KIAA0753: variants seen among roughly 807,000 people sequenced by gnomAD.
KIAA0753 encodes protein moonraker.
In KIAA0753, 114 loss-of-function variants were observed where a neutral mutation model predicts 116.9. That is an observed-to-expected ratio of 0.98 (90% confidence interval 0.84 to 1.14). The LOEUF (loss-of-function observed/expected upper bound fraction) is 1.14, where lower values mean the gene tolerates loss of function less well. Among genes scored for constraint, KIAA0753 ranks in the 50% most tolerant of loss-of-function variants. The pLI is 0.00. For synonymous variants in KIAA0753, 405 were observed against 413.1 expected (o/e 0.98, Z 0.24); for missense variants, 1,156 against 1,172.4 (o/e 0.99, Z 0.20).
At chr17:6,599,165 A>G in intron 14 of KIAA0753, 72 bp downstream of exon 14, 1 of 1,059,986 alleles carries the variant, frequency 9.4e-7, no homozygotes. Context: ...AGTAATCTGT[A>G]TTTCATTTTC....
intron 14 of KIAA0753, among the ~76,000 whole-genome samples, chr17:6,597,877 C>T (rs1398057356): frequency 6.6e-6 from 1 of 152,240 alleles, no homozygotes; most frequent in Non-Finnish European, 1.5e-5. Flanking sequence ...TTTTCTTCTT[C>T]ACCATGCCAA....
At chr17:6,594,117 C>T (rs1394972563) in intron 16 of KIAA0753, among the ~76,000 whole-genome samples, 1 of 152,156 alleles carries the variant, frequency 6.6e-6, no homozygotes, top group Admixed American at 6.5e-5. Flanking sequence ...TTAAGATATA[C>T]ACACAGATTA....
At chr17:6,589,329 C>G (rs1214877299) in intron 18 of KIAA0753, among the ~76,000 whole-genome samples, 1 of 152,194 alleles carries the variant, frequency 6.6e-6, no homozygotes, top group East Asian at 1.9e-4. Context: ...AGGAAGAGGG[C>G]CCTCGACAGA....
chr17:6,626,066 T>C (rs532665511), intron 3 of KIAA0753, among the ~76,000 whole-genome samples: 11 of 152,356 alleles, frequency 7.2e-5, no homozygotes, highest in Middle Eastern at 3.4e-3. Context: ...CTCAAAATTA[T>C]TTGAGTGTCT....
At chr17:6,606,604 GGGTA>G (rs1238168802) in intron 12 of KIAA0753, among the ~76,000 whole-genome samples, 2 of 152,164 alleles carry the variant, frequency 1.3e-5, no homozygotes, top group Non-Finnish European at 2.9e-5. Context: ...GTACCTTTGA[GGGTA>G]GTCCAAACAA....
chr17:6,584,662 T>C (rs775179601), intron 18 of KIAA0753, among the ~76,000 whole-genome samples: 10 of 152,216 alleles, frequency 6.6e-5, no homozygotes, highest in Non-Finnish European at 8.8e-5. Context: ...TTCTTTTCTA[T>C]GCTCACTGAA....
At chr17:6,624,356 T>C (rs1047216106) in intron 4 of KIAA0753, among the ~76,000 whole-genome samples, 22 of 152,132 alleles carry the variant, frequency 1.4e-4, no homozygotes, top group African/African-American at 4.8e-4. Context: ...CCCTTTCCTC[T>C]AAGACTGGGG....
intron 7 of KIAA0753, among the ~76,000 whole-genome samples, chr17:6,619,840 C>G (rs865892759): frequency 6.6e-6 from 1 of 152,140 alleles, no homozygotes; most frequent in African/African-American, 2.4e-5. Flanking sequence ...AAAGAGTTAA[C>G]TAACAAAGTC....
intron 18 of KIAA0753, among the ~76,000 whole-genome samples, chr17:6,586,460 C>G (rs1968583079): frequency 6.6e-6 from 1 of 152,218 alleles, no homozygotes; most frequent in Admixed American, 6.5e-5. Flanking sequence ...TTAGCTTTCT[C>G]TAGCCTGCTA....
In KIAA0753 at chr17:6,578,687, A is replaced by G. The variant is rs1176135535; in HGVS notation, c.*1060T>C. On this transcript the variant is annotated 3_prime_UTR_variant, in exon 19 of 19. Transcript: ENST00000361413. ...GGCATTCTTTCTGCATGTTTCCTTC[A>G]CTGAGCCTCAGGCTACGAATTGAGA... The G allele has an allele frequency of 6.6e-6, 1 of 152,252 alleles. No individual in the cohort carries two copies. The highest frequency in any genetic ancestry group is 1.5e-5 in the Non-Finnish European group (1 of 68,042). The allele number at this position is 152,252 out of a possible 1,614,324, so 9.4% of individuals were successfully genotyped here.
intron 18 of KIAA0753, among the ~76,000 whole-genome samples, chr17:6,589,166 T>C (rs1033123796): frequency 2.6e-5 from 4 of 152,296 alleles, no homozygotes; most frequent in Admixed American, 2.6e-4. Context: ...GTAGTATCTG[T>C]GGTGGGGCCT....
Position 6,628,614 on chromosome 17 carries a change from T to C in KIAA0753, c.221A>G (p.Asp74Gly). The C allele has an allele frequency of 6.2e-7, 1 of 1,614,212 alleles. No individual in the cohort carries two copies. The highest frequency in any genetic ancestry group is 1.1e-5 in the South Asian group (1 of 91,086). ...GTCAGGACCAACTCTACAATCTGCA[T>C]CTTTACAATGGTATGATTCATTGTA... ...HSYNESYHCK[D>G]ADCRVGPDLG... Residue 74 changes from aspartate to glycine, a missense_variant, in exon 3 of 19, where the codon GAT becomes GGT. Asp to Gly is a moderately conservative substitution (Grantham distance 94, BLOSUM62 -1). Coordinates refer to ENST00000361413, the MANE Select transcript of KIAA0753 (RefSeq NM_014804.3).
intron 16 of KIAA0753, among the ~76,000 whole-genome samples, chr17:6,590,990 A>AAAGAAGAAGG (rs1172029852): frequency 5.3e-5 from 6 of 114,236 alleles, no homozygotes; most frequent in Non-Finnish European, 9.6e-5. Context: ...GAAGAAGAAG[A>AAAGAAGAAGG]AAGAAGAAGG....
intron 3 of KIAA0753, among the ~76,000 whole-genome samples, chr17:6,625,796 G>A (rs757543710): frequency 1.1e-3 from 160 of 152,110 alleles, no homozygotes; most frequent in Admixed American, 1.2e-3. Flanking sequence ...TCCACCTCCC[G>A]GGTCAAGTGA....
chr17:6,612,019 T>C lies in KIAA0753; in HGVS notation c.1445A>G (p.Glu482Gly), dbSNP rs757721943. Residue 482 changes from glutamate to glycine, a missense_variant, in exon 8 of 19, where the codon GAG becomes GGG. By Grantham distance (98) the Glu-to-Gly change is moderately conservative. Transcript: ENST00000361413. ...ILDQSASFKD[E>G]VLAVAKTKAG... ...TTTTGTTTTTGCCACGGCTAACACCTCGTCTTTGAAGCTTGCACTTTGGTC... is the reference window on the plus strand; with the variant it reads ...TTTTGTTTTTGCCACGGCTAACACCCCGTCTTTGAAGCTTGCACTTTGGTC... 16 of 1,614,036 alleles carry C rather than the reference T, an allele frequency of 9.9e-6. No individual in the cohort carries two copies. The highest frequency in any genetic ancestry group is 1.3e-5 in the African/African-American group (1 of 74,952).
Position 6,589,976 on chromosome 17 carries a change from CT to C in KIAA0753, c.2588del (p.Glu863GlyfsTer14). On this transcript the variant is annotated frameshift_variant, in exon 18 of 19. Transcript: ENST00000361413. LOFTEE classifies it high-confidence loss of function. ...GGGCCTCTCTTTTCTCTGATCCTTC[CT>C]CTGTTCCCACACTTTCATCCAGGGA... is the stretch of plus-strand genomic sequence containing the variant. ...GNSLDESVGT[E>X]EGSEKREAPL... The C allele has an allele frequency of 1.3e-6, 2 of 1,582,640 alleles. No individual in the cohort carries two copies. Among genetic ancestry groups the C allele is most frequent in the Non-Finnish European group, 1.7e-6 (2 of 1,168,798 alleles).
At chr17:6,615,008 A>T (rs562106292) in intron 7 of KIAA0753, among the ~76,000 whole-genome samples, 1 of 152,280 alleles carries the variant, frequency 6.6e-6, no homozygotes, top group South Asian at 2.1e-4. Context: ...CATGTTGGCC[A>T]GGCTGGTCTC....
intron 15 of KIAA0753, 84 bp downstream of exon 15, chr17:6,596,074 G>T: frequency 2.3e-6 from 3 of 1,309,716 alleles, no homozygotes; most frequent in Non-Finnish European, 3.2e-6. Context: ...TCTAACAGAT[G>T]AGGCTGCAGA....
intron 1 of KIAA0753, chr17:6,638,682 G>C (rs1335135722): frequency 6.5e-6 from 1 of 152,976 alleles, no homozygotes; most frequent in East Asian, 1.9e-4. Context: ...GCACTGCCTC[G>C]GCTGGGGGCC....
Sources: gnomAD v4.1 joint callset for allele counts (sites outside exome capture counted in the v4.1 genomes callset) on GRCh38, gnomAD v4.1.1 for gene constraint, MANE v1.5 for transcripts, NCBI Gene and HGNC (gene_info 2026-07-23, HGNC 2026-07-21) for gene names.